Variants in MAP3K6 observed in about 807,000 individuals in gnomAD.
The protein encoded by MAP3K6 is mitogen-activated protein kinase kinase kinase 6, also known as apoptosis signal-regulating kinase 2.
In MAP3K6, 105 loss-of-function variants were observed where a neutral mutation model predicts 147.1. The observed-to-expected ratio is 0.71, with a 90% CI of 0.61 to 0.84. The LOEUF (loss-of-function observed/expected upper bound fraction) is 0.84, where lower values mean the gene tolerates loss of function less well. MAP3K6 is among the 40% of genes least tolerant of loss of function. MAP3K6 has a pLI of 0.00. For synonymous variants in MAP3K6, 695 were observed against 732.4 expected (o/e 0.95, Z 0.82); for missense variants, 1,569 against 1,715.0 (o/e 0.91, Z 1.50).
Position 27,358,267 on chromosome 1 carries a change from C to G in MAP3K6, c.2829G>C (p.Gln943His). Residue 943 changes from glutamine to histidine, a missense_variant, in exon 21 of 29, where the codon CAG becomes CAC. Transcript: ENST00000357582. The surrounding 1 kb of genome is among the most constrained non-coding windows in gnomAD (Gnocchi z 6.2). ...TPSANSTTQS[Q>H]TFPCPQAPSQ... ...AGGGTGCCTGAGGGCACGGGAATGT[C>G]TGAGACTGGGTGGTTGAGTTGGCTG... 6.2e-7 allele frequency: 1 copy of G among 1,605,688 alleles called. No individual in the cohort carries two copies. Among genetic ancestry groups the G allele is most frequent in the Non-Finnish European group, 8.5e-7 (1 of 1,177,836 alleles).
Position 27,361,353 on chromosome 1 carries a change from C to A in MAP3K6, c.1729G>T (p.Gly577Ter). The A allele has an allele frequency of 6.2e-7, 1 of 1,613,960 alleles. No homozygotes were observed. Among genetic ancestry groups the A allele is most frequent in the Non-Finnish European group, 8.5e-7 (1 of 1,179,990 alleles). The change falls in exon 12 of 29, where the codon GGA (glycine) becomes TGA (stop). Residue 577 changes from glycine (G) to a stop codon, truncating the protein, a stop_gained. Transcript: ENST00000357582. LOFTEE classifies it high-confidence loss of function. ...SWTFPVASIC[G>*]VSASKRDERC... ...CCAGGTCCCGCCTATCACCTGACTC[C>A]GCATATGGAGGCGACTGGGAAGGTC...
In MAP3K6 at chr1:27,361,018, G is replaced by A; in HGVS notation, c.1833-10C>T. ...GATCAGGCCGCAGAACCTGAAGGTG[G>A]GGGAGGTCAGACCCGCGGGAGGGGC... On this transcript the variant is annotated splice_polypyrimidine_tract_variant and intron_variant, in intron 13 of 28. Transcript: ENST00000357582. The A allele has an allele frequency of 1.9e-6, 3 of 1,577,748 alleles. No individual in the cohort carries two copies. Among genetic ancestry groups the A allele is most frequent in the Non-Finnish European group, 2.6e-6 (3 of 1,161,096 alleles).
chr1:27,356,792 G>A (rs372528770), intron 24 of MAP3K6, 43 bp from the exon 25 acceptor site: 75 of 1,524,888 alleles, frequency 4.9e-5, no homozygotes, highest in Non-Finnish European at 6.2e-5. Context: ...TACAACGCCC[G>A]TTTGGGAACC....
In MAP3K6 at chr1:27,366,162, C is replaced by G; in HGVS notation, c.340+96G>C. ...CTTTAAGTCCCCTAGACCCGGTACC[C>G]CTCTCGGCCCCTCCCTTGAGCCTTC... is the stretch of plus-strand genomic sequence containing the variant. On this transcript the variant is annotated intron_variant, in intron 1 of 28. Coordinates refer to ENST00000357582, the MANE Select transcript of MAP3K6 (RefSeq NM_004672.5). This position sits in a 1 kb window ranked among gnomAD's most constrained non-coding sequence, Gnocchi z 5.5. 1 of 1,183,422 alleles carries G rather than the reference C, an allele frequency of 8.5e-7. No individual in the cohort carries two copies. The highest frequency in any genetic ancestry group is 3.4e-5 in the South Asian group (1 of 29,320). 73.3% of individuals were successfully genotyped at this position (1,183,422 alleles called of 1,614,324 possible).
In MAP3K6 at chr1:27,362,621, G is replaced by C. The variant is rs374619171; in HGVS notation, c.1255+20C>G. ...GGAACCCCTGTGGGTGACGAGACAA[G>C]AGCCAGGATCTGTGCTCACCTATTA... On this transcript the variant is annotated intron_variant, in intron 8 of 28. Transcript: ENST00000357582. 6.5e-7 allele frequency: 1 copy of C among 1,539,518 alleles called. No individual in the cohort carries two copies. Among genetic ancestry groups the C allele is most frequent in the African/African-American group, 1.4e-5 (1 of 73,154 alleles).
rs184469734 is a variant in MAP3K6, at chr1:27,356,118, G to T, written c.3638-19C>A. On this transcript the variant is annotated intron_variant, in intron 26 of 28. Transcript: ENST00000357582. ...AGAGCAGCTGTCAAGAAGCAGTCAG[G>T]TGATGAGCCCAAGAGTGCCTCCTGC... The T allele has an allele frequency of 2.5e-6, 4 of 1,610,914 alleles. No homozygotes were observed. In the South Asian group the frequency reaches 4.4e-5, roughly 18 times the overall value.
In MAP3K6 at chr1:27,358,748, G is replaced by T. The variant is rs748910143; in HGVS notation, c.2544C>A (p.Pro848=). Residue 848 remains proline (P), a synonymous_variant, in exon 19 of 29, where the codon CCC becomes CCA. Transcript: ENST00000357582. This position sits in a 1 kb window ranked among gnomAD's most constrained non-coding sequence, Gnocchi z 6.2. The part of the protein sequence containing the change: ...TVIEMATGRP[P]FHELGSPQAA... Reference sequence around the variant, plus strand: ...CCTGTGGGCTCCCGAGCTCGTGGAAGGGGGGGCGACCTGTGGCCATCTCAA... The same window carrying T: ...CCTGTGGGCTCCCGAGCTCGTGGAATGGGGGGCGACCTGTGGCCATCTCAA... The T allele has an allele frequency of 6.2e-7, 1 of 1,613,650 alleles. No individual in the cohort carries two copies. Among genetic ancestry groups the T allele is most frequent in the Non-Finnish European group, 8.5e-7 (1 of 1,179,810 alleles).
In MAP3K6 at chr1:27,359,327, T is replaced by G; in HGVS notation, c.2425+90A>C. The G allele has an allele frequency of 6.3e-7, 1 of 1,582,114 alleles. No homozygotes were observed. Among genetic ancestry groups the G allele is most frequent in the Non-Finnish European group, 8.6e-7 (1 of 1,156,606 alleles). On this transcript the variant is annotated intron_variant, in intron 18 of 28. Coordinates refer to ENST00000357582, the MANE Select transcript of MAP3K6 (RefSeq NM_004672.5). The surrounding 1 kb of genome is among the most constrained non-coding windows in gnomAD (Gnocchi z 4.4). Reference sequence around the variant, plus strand: ...ATTCCCCATTAGGACTCTAACTCCATGCCTAGGAGAAACCCCCTTCCCTGG... The same window carrying G: ...ATTCCCCATTAGGACTCTAACTCCAGGCCTAGGAGAAACCCCCTTCCCTGG...
rs1312702132 is a variant in MAP3K6 at position 27,366,243 on chromosome 1, C to A, written c.340+15G>T. Reference sequence around the variant, plus strand: ...GAGTCCCGCCCGGATCCGGCCCCGCCCCCAGCGCTCTCACCCGCGTTGTAG... The same window carrying A: ...GAGTCCCGCCCGGATCCGGCCCCGCACCCAGCGCTCTCACCCGCGTTGTAG... On this transcript the variant is annotated intron_variant, in intron 1 of 28. Transcript: ENST00000357582. The surrounding 1 kb of genome is among the most constrained non-coding windows in gnomAD (Gnocchi z 5.5). The A allele has an allele frequency of 4.6e-6, 6 of 1,310,706 alleles. No individual in the cohort carries two copies. The highest frequency in any genetic ancestry group is 2.1e-5 in the South Asian group (1 of 47,852). 81.2% of individuals were successfully genotyped at this position (1,310,706 alleles called of 1,614,324 possible).
At position 27,362,645 on chromosome 1, in the gene MAP3K6, T is replaced by C. The variant is rs757277614; in HGVS notation, c.1251A>G (p.Leu417=). The change falls in exon 8 of 29, where the codon CTA becomes CTG. Residue 417 remains leucine (L), a synonymous_variant. Transcript: ENST00000357582. ...QHFEDSKELR[L]IGMKLGCLLA... ...AGAGCCAGGATCTGTGCTCACCTAT[T>C]AGCCGGAGCTCTTTGGAATCCTCAA... is the stretch of plus-strand genomic sequence containing the variant. The C allele has an allele frequency of 3.2e-6, 5 of 1,582,306 alleles. No homozygotes were observed. The Admixed American group carries it at 7.2e-5, about 23-fold the overall frequency.
Position 27,358,563 on chromosome 1 carries a change from C to A in MAP3K6, c.2632G>T (p.Glu878Ter), listed in dbSNP as rs147355576. ...GTTCGGAGGAGAAAGGCTTGGGCCT[C>A]GGCCGACAGAGAGCTGGGCATTGGC... ...HPPMPSSLSA[E>*]AQAFLLRTFE... The change falls in exon 20 of 29, where the codon GAG becomes TAG. Residue 878 changes from glutamate (E) to a stop codon, truncating the protein, a stop_gained. Transcript: ENST00000357582. LOFTEE classifies it high-confidence loss of function. The surrounding 1 kb of genome is among the most constrained non-coding windows in gnomAD (Gnocchi z 6.2). 1 of 1,613,308 alleles carries A rather than the reference C, an allele frequency of 6.2e-7. No individual in the cohort carries two copies. Among genetic ancestry groups the A allele is most frequent in the Admixed American group, 1.7e-5 (1 of 59,704 alleles).
rs2015899194 is a variant in MAP3K6 at position 27,364,345 on chromosome 1, CCAGTGGCCGTCACCA to C, written c.539_553del (p.Val180_Thr184del). 1.9e-6 allele frequency: 3 copies of C among 1,614,016 alleles called. No homozygotes were observed. The highest frequency in any genetic ancestry group is 3.3e-5 in the Admixed American group (2 of 60,014). Reference sequence around the variant, plus strand: ...GCCTGCATCACCACACAGCACCCGACCAGTGGCCGTCACCACATAGGGGATCAGTGTGTAGCTGCC... The same window carrying C: ...GCCTGCATCACCACACAGCACCCGACCATAGGGGATCAGTGTGTAGCTGCC... On this transcript the variant is annotated inframe_deletion, in exon 4 of 29. Transcript: ENST00000357582. This position sits in a 1 kb window ranked among gnomAD's most constrained non-coding sequence, Gnocchi z 4.4.
rs1331888540 is a variant in MAP3K6 at position 27,366,531 on chromosome 1, C to T, written c.67G>A (p.Val23Met). The T allele has an allele frequency of 9.1e-7, 1 of 1,102,178 alleles. No individual in the cohort carries two copies. The highest frequency in any genetic ancestry group is 1.1e-6 in the Non-Finnish European group (1 of 906,418). 68.3% of individuals were successfully genotyped at this position (1,102,178 alleles called of 1,614,324 possible). ...AGCTGCCGGCCCCGGCTCAGCGCCA[C>T]GGCCAGCGGGTCCTGCCAGCAGCTG... is the stretch of plus-strand genomic sequence containing the variant. ...AGSCWQDPLAVALSRGRQLAA... is the reference protein window; with the variant it reads ...AGSCWQDPLAMALSRGRQLAA... The change falls in exon 1 of 29, where the codon GTG (valine) becomes ATG (methionine). Residue 23 changes from valine (V) to methionine (M), a missense_variant. Coordinates refer to ENST00000357582, the MANE Select transcript of MAP3K6 (RefSeq NM_004672.5). The surrounding 1 kb of genome is among the most constrained non-coding windows in gnomAD (Gnocchi z 5.5).
intron 6 of MAP3K6, 148 bp downstream of exon 6, chr1:27,363,294 G>C: frequency 2.9e-6 from 2 of 698,876 alleles, no homozygotes; most frequent in Non-Finnish European, 2.4e-6. Flanking sequence ...CAGTAACTCA[G>C]AACAACAGGG....
In MAP3K6 at chr1:27,356,168, T is replaced by C. The variant is rs1000284785; in HGVS notation, c.3638-69A>G. On this transcript the variant is annotated intron_variant, in intron 26 of 28. Coordinates refer to ENST00000357582, the MANE Select transcript of MAP3K6 (RefSeq NM_004672.5). Reference sequence around the variant, plus strand: ...CTAGAAGCTGCCTCGAACCCACCAATAGTGTTCTCCAGCCAAGGCCCACTC... The same window carrying C: ...CTAGAAGCTGCCTCGAACCCACCAACAGTGTTCTCCAGCCAAGGCCCACTC... 3.8e-5 allele frequency: 54 copies of C among 1,434,758 alleles called. No homozygotes were observed. The African/African-American group carries it at 7.1e-4, about 19-fold the overall frequency. 88.9% of individuals were successfully genotyped at this position (1,434,758 alleles called of 1,614,324 possible).
chr1:27,364,413 G>C lies in MAP3K6; in HGVS notation c.505-19C>G. The C allele has an allele frequency of 1.9e-6, 3 of 1,613,140 alleles. No individual in the cohort carries two copies. The highest frequency in any genetic ancestry group is 2.5e-6 in the Non-Finnish European group (3 of 1,179,442). ...CGCAATCCTGGTGGGAGGGAGGCAGGAATCAGTGAGGTCAGAGGTCAGCAC... is the reference window on the plus strand; with the variant it reads ...CGCAATCCTGGTGGGAGGGAGGCAGCAATCAGTGAGGTCAGAGGTCAGCAC... On this transcript the variant is annotated intron_variant, in intron 3 of 28. Transcript: ENST00000357582. The surrounding 1 kb of genome is among the most constrained non-coding windows in gnomAD (Gnocchi z 4.4).
At position 27,359,658 on chromosome 1, in the gene MAP3K6, T is replaced by C. The variant is rs1307386448; in HGVS notation, c.2320-136A>G. On this transcript the variant is annotated intron_variant, in intron 17 of 28. Transcript: ENST00000357582. This position sits in a 1 kb window ranked among gnomAD's most constrained non-coding sequence, Gnocchi z 4.4. ...CACTCTCCCCTTGCCATCCCACTTA[T>C]ATGCCCCTCTGGGAGCTGACAATTG... The C allele has an allele frequency of 3.5e-6, 5 of 1,415,774 alleles. No individual in the cohort carries two copies. The highest frequency in any genetic ancestry group is 1.3e-5 in the South Asian group (1 of 77,166). 87.7% of individuals were successfully genotyped at this position (1,415,774 alleles called of 1,614,324 possible). A position where few individuals can be genotyped will look rare whatever the true frequency, so the allele number is the denominator to read the frequency against.
chr1:27,358,991 C>T lies in MAP3K6; in HGVS notation c.2426-125G>A. 2 of 939,064 alleles carry T rather than the reference C, an allele frequency of 2.1e-6. No homozygotes were observed. Among genetic ancestry groups the T allele is most frequent in the Non-Finnish European group, 3.2e-6 (2 of 631,922 alleles). The allele number at this position is 939,064 out of a possible 1,614,324, so 58.2% of individuals were successfully genotyped here. On this transcript the variant is annotated intron_variant, in intron 18 of 28. Transcript: ENST00000357582. The surrounding 1 kb of genome is among the most constrained non-coding windows in gnomAD (Gnocchi z 6.2). ...TGAACCTATCATCCAAAATATACCT[C>T]AACACCTATCCTGGTCATCAAACAT...
At position 27,358,742 on chromosome 1, in the gene MAP3K6, G is replaced by A. The variant is rs368457279; in HGVS notation, c.2550C>T (p.His850=). Residue 850 remains histidine, a synonymous_variant, in exon 19 of 29, where the codon CAC becomes CAT. Coordinates refer to ENST00000357582, the MANE Select transcript of MAP3K6 (RefSeq NM_004672.5). This position sits in a 1 kb window ranked among gnomAD's most constrained non-coding sequence, Gnocchi z 6.2. ...IEMATGRPPF[H]ELGSPQAAMF... ...TGGCAGCCTGTGGGCTCCCGAGCTC[G>A]TGGAAGGGGGGGCGACCTGTGGCCA... The A allele has an allele frequency of 1.5e-4, 248 of 1,613,964 alleles. No individual in the cohort carries two copies. The highest frequency in any genetic ancestry group is 1.9e-4 in the Non-Finnish European group (221 of 1,179,996).
Sources: gnomAD v4.1 joint callset for allele counts on GRCh38, gnomAD v4.1.1 for gene constraint, Gnocchi (gnomAD v3.1) non-coding constraint, MANE v1.5 for transcripts, NCBI Gene and HGNC (gene_info 2026-07-23, HGNC 2026-07-21) for gene names.